The following LRGUK variants were observed in gnomAD, a reference collection of about 807,000 sequenced individuals.
LRGUK encodes the protein leucine-rich repeat and guanylate kinase domain-containing protein.
Under a neutral mutation model 76.0 loss-of-function variants are expected in LRGUK, and 65 were observed. The observed-to-expected ratio is 0.85, with a 90% confidence interval of 0.70 to 1.05. LRGUK has a LOEUF of 1.05. Ranked by LOEUF, LRGUK falls within the 50% of genes least tolerant of loss-of-function variation. LRGUK has a pLI of 0.00. For synonymous variants in LRGUK, 268 were observed against 265.6 expected, an observed-to-expected ratio of 1.01 and a Z score of -0.09; for missense variants, 758 against 732.8, an observed-to-expected ratio of 1.03 and a Z score of -0.40.
intron 18 of LRGUK, among the ~76,000 whole-genome samples, chr7:134,253,945 CA>C (rs1259160726): frequency 6.6e-6 from 1 of 152,062 alleles, no homozygotes; most frequent in African/African-American, 2.4e-5. Flanking sequence ...AAGCTTTACA[CA>C]ATACAACAAA....
intron 10 of LRGUK, among the ~76,000 whole-genome samples, chr7:134,183,270 G>C (rs1178987033): frequency 6.6e-6 from 1 of 152,220 alleles, no homozygotes; most frequent in Non-Finnish European, 1.5e-5. Flanking sequence ...ATGGATGTAT[G>C]ACTCTTAGAA....
intron 16 of LRGUK, among the ~76,000 whole-genome samples, chr7:134,230,705 A>G (rs1049922330): frequency 2.0e-5 from 3 of 152,264 alleles, no homozygotes; most frequent in Admixed American, 2.0e-4. Context: ...CATACAGTTG[A>G]ACTAAAGAAT....
At chr7:134,130,846 C>T (rs453678) in intron 1 of LRGUK, among the ~76,000 whole-genome samples, 150,380 of 152,370 alleles carry the variant, frequency 0.99, 74,236 homozygotes, top group East Asian at 1. Context: ...AGCCTTTTGT[C>T]AGTTGTGAGA....
chr7:134,177,669 G>T (rs1211214623), intron 9 of LRGUK, among the ~76,000 whole-genome samples: 1 of 152,086 alleles, frequency 6.6e-6, no homozygotes, highest in Non-Finnish European at 1.5e-5. Context: ...ACTAATGAGG[G>T]ATTTCTTACA....
chr7:134,139,326 T>A, intron 2 of LRGUK, 110 bp from the exon 3 acceptor site: 1 of 700,412 alleles, frequency 1.4e-6, no homozygotes, highest in Admixed American at 3.1e-5. Flanking sequence ...TCTCTTCTTC[T>A]ATACTTGTGA....
intron 5 of LRGUK, among the ~76,000 whole-genome samples, chr7:134,150,330 C>T (rs768475540): frequency 4.0e-5 from 6 of 151,834 alleles, no homozygotes; most frequent in Non-Finnish European, 1.5e-5. Flanking sequence ...GGCCTGATGG[C>T]ACGTGCCTGT....
At chr7:134,272,087 G>T in the LRGUK span, among the ~76,000 whole-genome samples, 1 of 152,048 alleles carries the variant, frequency 6.6e-6, no homozygotes, top group Admixed American at 6.5e-5. Context: ...GAGCATCCTT[G>T]TCTCACATCT....
At chr7:134,135,879 A>C (rs528142440) in intron 1 of LRGUK, among the ~76,000 whole-genome samples, 27 of 152,236 alleles carry the variant, frequency 1.8e-4, no homozygotes, top group South Asian at 2.1e-4. Flanking sequence ...GATGGTCTCG[A>C]TCTCCTGACC....
At chr7:134,270,706 G>T in the LRGUK span, among the ~76,000 whole-genome samples, 1 of 151,948 alleles carries the variant, frequency 6.6e-6, no homozygotes, top group African/African-American at 2.4e-5. Context: ...TTTTATTATT[G>T]CAGTTTTGTA....
intron 1 of LRGUK, among the ~76,000 whole-genome samples, chr7:134,128,030 A>G (rs1237493251): frequency 6.6e-6 from 1 of 151,448 alleles, no homozygotes; most frequent in Non-Finnish European, 1.5e-5. Context: ...CATCTCTGAC[A>G]TTGCCAGCAC....
At chr7:134,260,109 G>A (rs573425749) in intron 19 of LRGUK, among the ~76,000 whole-genome samples, 53 of 152,086 alleles carry the variant, frequency 3.5e-4, no homozygotes, top group African/African-American at 1.2e-3. Flanking sequence ...GCACAATATT[G>A]GGCAAATCAG....
chr7:134,246,530 T>C (rs1802306337), intron 16 of LRGUK, among the ~76,000 whole-genome samples: 1 of 152,228 alleles, frequency 6.6e-6, no homozygotes. Flanking sequence ...AGACAGGTGA[T>C]TAATCTGGAG....
At chr7:134,213,792 G>T (rs1399634904), downstream of LRGUK, among the ~76,000 whole-genome samples, 2 of 152,126 alleles carry the variant, frequency 1.3e-5, no homozygotes, top group Non-Finnish European at 2.9e-5. Context: ...GATTTTTAGT[G>T]CTATTATTGA....
intron 12 of LRGUK, among the ~76,000 whole-genome samples, chr7:134,192,118 T>G (rs181385709): frequency 2.0e-5 from 3 of 152,320 alleles, no homozygotes; most frequent in Admixed American, 2.0e-4. Context: ...GGCACAGAAA[T>G]CTTGTAAATT....
intron 17 of LRGUK, 31 bp from the exon 18 acceptor site, chr7:134,248,919 GT>G (rs34245697): frequency 0.065 from 71,891 of 1,101,014 alleles, no homozygotes; most frequent in South Asian, 0.078. Flanking sequence ...AAATCCTTTG[GT>G]TTTTTTTTTT....
chr7:134,222,165 A>G (rs534889014), intron 16 of LRGUK, among the ~76,000 whole-genome samples: 1 of 152,330 alleles, frequency 6.6e-6, no homozygotes, highest in East Asian at 1.9e-4. Context: ...CTGACATTCA[A>G]ATCTTCTATT....
At chr7:134,222,429 A>G (rs904398084) in intron 16 of LRGUK, among the ~76,000 whole-genome samples, 2 of 152,260 alleles carry the variant, frequency 1.3e-5, no homozygotes, top group African/African-American at 4.8e-5. Flanking sequence ...TTGGCACTGC[A>G]TTCAGATTAG....
intron 14 of LRGUK, among the ~76,000 whole-genome samples, chr7:134,199,960 TATAG>T (rs1459713326): frequency 2.1e-5 from 3 of 139,560 alleles, no homozygotes; most frequent in African/African-American, 5.2e-5. Context: ...ATAAAATTTC[TATAG>T]ATATATTCTA....
At chr7:134,229,375 A>ATCT (rs1554474439) in intron 16 of LRGUK, among the ~76,000 whole-genome samples, 229 of 147,556 alleles carry the variant, frequency 1.6e-3, no homozygotes, top group African/African-American at 4.2e-3. Flanking sequence ...AAAAAAAAAA[A>ATCT]ATCTATCTAT....
Sources: gnomAD v4.1 joint callset for allele counts (sites outside exome capture counted in the v4.1 genomes callset) on GRCh38, gnomAD v4.1.1 for gene constraint, MANE v1.5 for transcripts, NCBI Gene and HGNC (gene_info 2026-07-23, HGNC 2026-07-21) for gene names.